Variants in PARD3B observed in about 807,000 individuals in gnomAD.
The protein encoded by PARD3B is partitioning defective 3 homolog B.
In PARD3B, 103 loss-of-function variants were observed where a neutral mutation model predicts 130.2. That is an observed-to-expected ratio of 0.79 (90% CI 0.67 to 0.93). PARD3B has a LOEUF of 0.93. Ranked by LOEUF, PARD3B falls within the 40% of genes least tolerant of loss-of-function variation. The pLI, the probability that PARD3B is intolerant of heterozygous loss-of-function variation, is 0.00. For synonymous variants in PARD3B, 583 were observed against 553.2 expected (o/e 1.05, Z -0.76); for missense variants, 1,609 against 1,499.2 (o/e 1.07, Z -1.21).
At chr2:205,604,936 C>T (rs924061198) in intron 22 of PARD3B, among the ~76,000 whole-genome samples, 2 of 152,144 alleles carry the variant, frequency 1.3e-5, no homozygotes, top group African/African-American at 4.8e-5. Flanking sequence ...ATATTGTCTG[C>T]CTGTCTTATT....
intron 2 of PARD3B, among the ~76,000 whole-genome samples, chr2:204,957,259 A>G (rs1690335022): frequency 6.6e-6 from 1 of 152,188 alleles, no homozygotes; most frequent in Admixed American, 6.5e-5. Flanking sequence ...ATTTCAAAGA[A>G]ATAAATGTAT....
At chr2:204,904,492 C>T (rs575072118) in intron 2 of PARD3B, among the ~76,000 whole-genome samples, 1 of 152,238 alleles carries the variant, frequency 6.6e-6, no homozygotes, top group East Asian at 1.9e-4. Flanking sequence ...TATTTGCATC[C>T]ATCGTCTACC....
chr2:205,378,228 A>G (rs564598251), intron 18 of PARD3B, among the ~76,000 whole-genome samples: 16 of 152,316 alleles, frequency 1.1e-4, no homozygotes, highest in African/African-American at 3.6e-4. Context: ...AAAATGCAAA[A>G]GCCAGGAAGA....
rs1041239950 is a variant in PARD3B at position 205,291,090 on chromosome 2, A to G, written c.2186-9440A>G. Among the ~76,000 whole-genome samples the G allele has an allele frequency of 2.6e-5, 4 of 152,188 alleles. No individual in the cohort carries two copies. Among genetic ancestry groups the G allele is most frequent in the Non-Finnish European group, 1.5e-5 (1 of 68,042 alleles). On this transcript the variant is annotated intron_variant, in intron 16 of 22. Coordinates refer to ENST00000406610, the MANE Select transcript of PARD3B (RefSeq NM_001302769.2). The surrounding 1 kb of genome is among the most constrained non-coding windows in gnomAD (Gnocchi z 4.6). ...GAAGTAAAATGACACTATAACAAATACCTAAAAATATGGAAACAGCTTTGA... is the reference window on the plus strand; with the variant it reads ...GAAGTAAAATGACACTATAACAAATGCCTAAAAATATGGAAACAGCTTTGA...
At chr2:204,934,083 C>T (rs1313180580) in intron 2 of PARD3B, among the ~76,000 whole-genome samples, 1 of 152,138 alleles carries the variant, frequency 6.6e-6, no homozygotes, top group Non-Finnish European at 1.5e-5. Context: ...TAGGGTAAAG[C>T]CATAATCAGT....
At chr2:205,555,543 G>A (rs1378979146) in intron 22 of PARD3B, among the ~76,000 whole-genome samples, 1 of 152,170 alleles carries the variant, frequency 6.6e-6, no homozygotes, top group Non-Finnish European at 1.5e-5. Flanking sequence ...TGTGGTGGGG[G>A]TTTTCTGTCA....
intron 22 of PARD3B, among the ~76,000 whole-genome samples, chr2:205,603,186 A>G (rs1318478726): frequency 6.6e-6 from 1 of 152,104 alleles, no homozygotes; most frequent in African/African-American, 2.4e-5. Flanking sequence ...GAGTTTCTTA[A>G]TCTTGAGTTC....
chr2:205,571,073 A>G (rs1271868916), intron 22 of PARD3B, among the ~76,000 whole-genome samples: 1 of 152,230 alleles, frequency 6.6e-6, no homozygotes, highest in Non-Finnish European at 1.5e-5. Flanking sequence ...TGATATTTGA[A>G]AAGCATAGAG....
At chr2:205,581,241 G>GAT (rs975053256) in intron 22 of PARD3B, among the ~76,000 whole-genome samples, 2 of 126,314 alleles carry the variant, frequency 1.6e-5, no homozygotes, top group African/African-American at 3.2e-5. Context: ...GATATATATA[G>GAT]ATATATATAG....
intron 1 of PARD3B, among the ~76,000 whole-genome samples, chr2:204,547,044 TCA>T (rs2030010583): frequency 6.6e-6 from 1 of 152,346 alleles, no homozygotes; most frequent in African/African-American, 2.4e-5. Context: ...ACAGGGCAAG[TCA>T]CAAATTCTTG....
At chr2:205,380,667 A>T (rs1351255760) in intron 18 of PARD3B, among the ~76,000 whole-genome samples, 4 of 94,930 alleles carry the variant, frequency 4.2e-5, no homozygotes, top group African/African-American at 1.9e-4. Flanking sequence ...TATTATATAT[A>T]ATATATAAAG....
chr2:205,086,812 G>T (rs918571583), intron 4 of PARD3B, among the ~76,000 whole-genome samples: 1 of 152,176 alleles, frequency 6.6e-6, no homozygotes, highest in African/African-American at 2.4e-5. Context: ...CCACAGGGGT[G>T]GGTGTGACTC....
chr2:204,666,447 C>T (rs545067881), intron 1 of PARD3B, among the ~76,000 whole-genome samples: 1 of 152,082 alleles, frequency 6.6e-6, no homozygotes, highest in East Asian at 1.9e-4. Context: ...AAATATGTCA[C>T]TATAGGAAGG....
intron 2 of PARD3B, among the ~76,000 whole-genome samples, chr2:204,838,874 AAAC>A (rs1195945829): frequency 1.3e-5 from 2 of 152,192 alleles, no homozygotes; most frequent in Non-Finnish European, 2.9e-5. Flanking sequence ...AAATTTAAAA[AAAC>A]AACAAAATTG....
intron 2 of PARD3B, among the ~76,000 whole-genome samples, chr2:204,963,310 C>T (rs180686343): frequency 2.9e-4 from 44 of 152,114 alleles, no homozygotes; most frequent in African/African-American, 9.6e-4. Flanking sequence ...ATTTATCTTA[C>T]GAGTTATCAC....
intron 3 of PARD3B, among the ~76,000 whole-genome samples, chr2:204,996,875 C>T (rs1164423879): frequency 1.4e-5 from 2 of 147,818 alleles, no homozygotes; most frequent in Middle Eastern, 3.4e-3. Context: ...TTCTTTGACT[C>T]GAAAAGGGAA....
chr2:204,572,378 A>G (rs2032050004), intron 1 of PARD3B, among the ~76,000 whole-genome samples: 1 of 152,116 alleles, frequency 6.6e-6, no homozygotes, highest in South Asian at 2.1e-4. Context: ...ATTGCAGAAA[A>G]GTGGGGGAGG....
intron 15 of PARD3B, among the ~76,000 whole-genome samples, chr2:205,197,133 G>A (rs1268952535): frequency 6.7e-6 from 1 of 150,276 alleles, no homozygotes; most frequent in Admixed American, 6.6e-5. Flanking sequence ...GGCTTCTGAT[G>A]GAAACATTTG....
chr2:205,501,116 G>A (rs1003765611), intron 21 of PARD3B, among the ~76,000 whole-genome samples: 3 of 152,124 alleles, frequency 2.0e-5, no homozygotes, highest in Admixed American at 2.0e-4. Context: ...GGCCTGTCAT[G>A]CGTTCATCTC....
Sources: gnomAD v4.1 joint callset for allele counts (sites outside exome capture counted in the v4.1 genomes callset) on GRCh38, gnomAD v4.1.1 for gene constraint, Gnocchi (gnomAD v3.1) non-coding constraint, MANE v1.5 for transcripts, NCBI Gene and HGNC (gene_info 2026-07-23, HGNC 2026-07-21) for gene names.